The following AFAP1L2 variants were observed in gnomAD, a reference collection of about 807,000 sequenced individuals.
The protein encoded by AFAP1L2 is actin filament-associated protein 1-like 2.
In AFAP1L2, 46 loss-of-function variants were observed where a neutral mutation model predicts 99.3. The ratio of observed to expected loss-of-function variants is 0.46; its 90% CI spans 0.37 to 0.59. The LOEUF is 0.59. Among genes scored for constraint, AFAP1L2 ranks in the 20% least tolerant of loss-of-function variants. The pLI, the probability that AFAP1L2 is intolerant of heterozygous loss-of-function variation, is 0.00. For synonymous variants in AFAP1L2, 397 were observed against 419.1 expected (o/e 0.95, Z 0.64); for missense variants, 959 against 1,034.9 (o/e 0.93, Z 1.01).
intron 5 of AFAP1L2, among the ~76,000 whole-genome samples, chr10:114,322,354 C>T (rs1384789263): frequency 3.3e-5 from 5 of 152,166 alleles, no homozygotes; most frequent in Non-Finnish European, 4.4e-5. Flanking sequence ...GGCTGGCAGC[C>T]CCATCTGCGT....
intron 15 of AFAP1L2, among the ~76,000 whole-genome samples, 166 bp downstream of exon 15, chr10:114,300,028 C>T (rs1381716929): frequency 6.6e-6 from 1 of 152,234 alleles, no homozygotes; most frequent in African/African-American, 2.4e-5. Context: ...TTCCTTGCTC[C>T]TCAACTTGCA....
At chr10:114,361,592 G>A (rs1347979648) in intron 1 of AFAP1L2, among the ~76,000 whole-genome samples, 3 of 152,156 alleles carry the variant, frequency 2.0e-5, no homozygotes, top group Admixed American at 2.0e-4. Context: ...CACCTCTGGT[G>A]CTGGGTTTGC....
intron 16 of AFAP1L2, 86 bp from the exon 17 acceptor site, chr10:114,297,499 C>T: frequency 1.4e-6 from 2 of 1,382,878 alleles, no homozygotes; most frequent in Non-Finnish European, 2.0e-6. Flanking sequence ...GGTCTACATA[C>T]CCCGCCACCC....
At chr10:114,368,162 A>G (rs998054090) in intron 1 of AFAP1L2, among the ~76,000 whole-genome samples, 2 of 152,232 alleles carry the variant, frequency 1.3e-5, no homozygotes, top group East Asian at 1.9e-4. Flanking sequence ...TGGCAACAAC[A>G]TGGATGGACC....
chr10:114,325,371 A>C (rs2046098611), intron 4 of AFAP1L2, among the ~76,000 whole-genome samples: 1 of 152,176 alleles, frequency 6.6e-6, no homozygotes, highest in South Asian at 2.1e-4. Flanking sequence ...TGTTGTCCTG[A>C]AAGCTGAGAC....
chr10:114,339,724 G>A (rs1159640688), intron 2 of AFAP1L2, among the ~76,000 whole-genome samples: 1 of 151,912 alleles, frequency 6.6e-6, no homozygotes, highest in Non-Finnish European at 1.5e-5. Flanking sequence ...ATAAAGAGAG[G>A]AGATTAAGGC....
At chr10:114,371,045 T>C (rs2054022040) in intron 1 of AFAP1L2, among the ~76,000 whole-genome samples, 1 of 152,132 alleles carries the variant, frequency 6.6e-6, no homozygotes, top group South Asian at 2.1e-4. Flanking sequence ...ACTGCAGCAA[T>C]ACTGTGAGTC....
intron 1 of AFAP1L2, among the ~76,000 whole-genome samples, chr10:114,372,733 T>C (rs1052017368): frequency 6.6e-6 from 1 of 152,020 alleles, no homozygotes; most frequent in Non-Finnish European, 1.5e-5. Context: ...ATTTCCCCCA[T>C]CTTAAAACCC....
chr10:114,324,575 A>G (rs1047862282), intron 4 of AFAP1L2, among the ~76,000 whole-genome samples: 2 of 152,264 alleles, frequency 1.3e-5, no homozygotes, highest in African/African-American at 4.8e-5. Flanking sequence ...ATGAAACTCC[A>G]TGGGAATATG....
At chr10:114,368,790 A>G (rs1183141703) in intron 1 of AFAP1L2, among the ~76,000 whole-genome samples, 2 of 151,300 alleles carry the variant, frequency 1.3e-5, no homozygotes, top group African/African-American at 2.4e-5. Context: ...ACACACACAC[A>G]CACACACACA....
At chr10:114,317,584 C>A (rs566022819) in intron 5 of AFAP1L2, among the ~76,000 whole-genome samples, 4 of 152,130 alleles carry the variant, frequency 2.6e-5, no homozygotes, top group Non-Finnish European at 4.4e-5. Flanking sequence ...AGGGGCCAGG[C>A]GTGGTGGCTC....
At position 114,300,279 on chromosome 10, in the gene AFAP1L2, G is replaced by T; in HGVS notation, c.1872C>A (p.Phe624Leu). 8 of 1,614,134 alleles carry T rather than the reference G, an allele frequency of 5.0e-6. No homozygotes were observed. The highest frequency in any genetic ancestry group is 6.8e-6 in the Non-Finnish European group (8 of 1,180,030). The change falls in exon 15 of 19, where the codon TTC becomes TTA. Residue 624 changes from phenylalanine (F) to leucine (L), a missense_variant. This residue lies in a region of AFAP1L2 where 576 missense variants were observed against 562.1 expected (regional missense o/e 1.02). Transcript: ENST00000304129. ...KIQTEQQRIS[F>L]PPSCPDAVVA... The stretch of plus-strand genomic sequence containing the variant: ...CCACGGCATCCGGGCAGCTCGGTGG[G>T]AAGGAGATTCTCTGCTGTTCCGTCT...
intron 3 of AFAP1L2, 103 bp downstream of exon 3, chr10:114,333,118 G>T: frequency 9.2e-7 from 1 of 1,081,734 alleles, no homozygotes; most frequent in Non-Finnish European, 1.4e-6. Context: ...AGGCGGGTCT[G>T]TGTGCCGGCT....
At chr10:114,332,029 G>T in intron 3 of AFAP1L2, 132 bp from the exon 4 acceptor site, 1 of 529,502 alleles carries the variant, frequency 1.9e-6, no homozygotes, top group Non-Finnish European at 2.9e-6. Context: ...CCAGGCAGGC[G>T]GTCCCTGGAA....
intron 7 of AFAP1L2, among the ~76,000 whole-genome samples, chr10:114,312,234 AGTGTGTGTGTGTGTGTGTGTGTGTGTGT>A (rs58275552): frequency 6.2e-5 from 9 of 145,612 alleles, no homozygotes; most frequent in East Asian, 2.1e-4. Context: ...GCAAGAGCAG[AGTGTGTGTGTGTGTGTGTGTGTGTGTGT>A]GTGTGTGTGT....
At chr10:114,304,642 A>C in intron 11 of AFAP1L2, 77 bp downstream of exon 11, 1 of 1,317,014 alleles carries the variant, frequency 7.6e-7, no homozygotes, top group East Asian at 2.5e-5. Context: ...GTAGCATTAC[A>C]GTCCTGGAGA....
chr10:114,331,821 GTC>G lies in AFAP1L2; in HGVS notation c.295_296del (p.Asp99ProfsTer26). 7.2e-7 allele frequency: 1 copy of G among 1,394,838 alleles called. No individual in the cohort carries two copies. The highest frequency in any genetic ancestry group is 9.4e-7 in the Non-Finnish European group (1 of 1,066,614). 86.4% of individuals were successfully genotyped at this position (1,394,838 alleles called of 1,614,324 possible). On this transcript the variant is annotated frameshift_variant, in exon 4 of 19. Transcript: ENST00000304129. LOFTEE classifies it high-confidence loss of function. ...HSSAPQKSLP[D>X]LPPPKMIPER... The stretch of plus-strand genomic sequence containing the variant: ...TGCTTACCATCTTGGGTGGCGGGAG[GTC>G]TGGAAGGCTCTTCTGAGGGGCCGAG...
At chr10:114,307,966 T>A in intron 9 of AFAP1L2, 57 bp from the exon 10 acceptor site, 3 of 1,500,746 alleles carry the variant, frequency 2.0e-6, no homozygotes, top group Non-Finnish European at 2.8e-6. Flanking sequence ...CACGTGCCCA[T>A]GAGAGATGGA....
intron 1 of AFAP1L2, among the ~76,000 whole-genome samples, chr10:114,380,581 G>T (rs1305067404): frequency 6.6e-6 from 1 of 152,190 alleles, no homozygotes; most frequent in African/African-American, 2.4e-5. Flanking sequence ...CTTATGATGA[G>T]TGTGTTTTTA....
Sources: allele counts gnomAD v4.1 joint callset (sites outside exome capture counted in the v4.1 genomes callset), GRCh38; gene constraint gnomAD v4.1.1; regional missense constraint gnomAD v4.1.1; transcripts MANE v1.5; gene names NCBI Gene and HGNC (gene_info 2026-07-23, HGNC 2026-07-21).